The following COL15A1 variants were observed in gnomAD, a reference collection of about 807,000 sequenced individuals.
COL15A1 encodes the protein collagen alpha-1(XV) chain.
A neutral mutation model predicts 165.9 loss-of-function variants in COL15A1; 111 were observed. The observed-to-expected ratio is 0.67, with a 90% CI of 0.57 to 0.78. COL15A1 has a LOEUF of 0.78. Ranked by LOEUF, COL15A1 falls within the 30% of genes least tolerant of loss-of-function variation. The pLI, the probability that COL15A1 is intolerant of heterozygous loss-of-function variation, is 0.00. For synonymous variants in COL15A1, 659 were observed against 674.8 expected (o/e 0.98, Z 0.36); for missense variants, 1,745 against 1,789.7 (o/e 0.98, Z 0.45).
intron 2 of COL15A1, among the ~76,000 whole-genome samples, chr9:98,963,247 A>T (rs4407948): frequency 6.6e-6 from 1 of 151,190 alleles, no homozygotes; most frequent in Admixed American, 6.6e-5. Flanking sequence ...GCTAGGACCC[A>T]CTGGGCCTCA....
intron 2 of COL15A1, among the ~76,000 whole-genome samples, chr9:98,947,873 C>T (rs750293412): frequency 2.0e-5 from 3 of 152,150 alleles, no homozygotes; most frequent in Non-Finnish European, 4.4e-5. Flanking sequence ...ATATCCTGCA[C>T]GCCCTAAAAC....
intron 2 of COL15A1, 143 bp from the exon 3 acceptor site, chr9:98,985,422 C>A: frequency 1.2e-6 from 1 of 809,334 alleles, no homozygotes; most frequent in Non-Finnish European, 1.9e-6. Context: ...GTTGTCAAAA[C>A]GTTTGAAAAA....
intron 35 of COL15A1, among the ~76,000 whole-genome samples, chr9:99,057,002 T>C (rs938019394): frequency 2.6e-5 from 4 of 152,248 alleles, no homozygotes; most frequent in African/African-American, 2.4e-5. Flanking sequence ...ATAATGCTAC[T>C]ATGAACTTTC....
chr9:99,016,088 C>G lies in COL15A1; in HGVS notation c.1616C>G (p.Pro539Arg). 6.2e-7 allele frequency: 1 copy of G among 1,613,156 alleles called. No individual in the cohort carries two copies. Among genetic ancestry groups the G allele is most frequent in the Non-Finnish European group, 8.5e-7 (1 of 1,179,584 alleles). ...CCTGATGGGCCACCGCTGCCCCTGC[C>G]CACAGTGGCTCCTGAAAGATGGATC... ...PPPDGPPLPLPTVAPERWITP... is the reference protein window; with the variant it reads ...PPPDGPPLPLRTVAPERWITP... Residue 539 changes from proline (P) to arginine (R), a missense_variant, in exon 11 of 42, where the codon CCC becomes CGC. Pro to Arg is a moderately radical substitution (Grantham distance 103). Coordinates refer to ENST00000375001, the MANE Select transcript of COL15A1 (RefSeq NM_001855.5).
At chr9:98,965,407 C>T (rs867690374) in intron 2 of COL15A1, among the ~76,000 whole-genome samples, 29 of 152,238 alleles carry the variant, frequency 1.9e-4, no homozygotes, top group African/African-American at 5.1e-4. Context: ...GTCATCTCAT[C>T]TGAAAATGGC....
intron 16 of COL15A1, among the ~76,000 whole-genome samples, chr9:99,031,391 T>C (rs1012748550): frequency 6.6e-6 from 1 of 152,016 alleles, no homozygotes; most frequent in East Asian, 1.9e-4. Flanking sequence ...CAGCATCAGG[T>C]GGAAACCCTC....
chr9:99,034,965 C>T (rs771842450), intron 17 of COL15A1, 49 bp from the exon 18 acceptor site: 8 of 1,538,858 alleles, frequency 5.2e-6, no homozygotes, highest in Admixed American at 3.3e-5. Flanking sequence ...GTTGTTCCTT[C>T]CATGAGTGAA....
intron 2 of COL15A1, 115 bp from the exon 3 acceptor site, chr9:98,985,448 TAC>T (rs1229906153): frequency 4.9e-6 from 5 of 1,030,246 alleles, no homozygotes; most frequent in Non-Finnish European, 6.9e-6. Context: ...ATTTAGGAAC[TAC>T]AGTTTCAGTG....
intron 13 of COL15A1, 72 bp from the exon 14 acceptor site, chr9:99,023,285 A>C: frequency 6.7e-7 from 1 of 1,503,028 alleles, no homozygotes; most frequent in Non-Finnish European, 8.9e-7. Context: ...ATTTTGGAGA[A>C]AACTCAGTGA....
chr9:98,944,354 T>G (rs1837540739), intron 2 of COL15A1, 104 bp downstream of exon 2: 1 of 1,159,812 alleles, frequency 8.6e-7, no homozygotes, highest in African/African-American at 1.5e-5. Flanking sequence ...TTCCTGGACA[T>G]AAAAGGGAGT....
intron 19 of COL15A1, among the ~76,000 whole-genome samples, 198 bp from the exon 20 acceptor site, chr9:99,035,972 G>C (rs1403933951): frequency 6.6e-6 from 1 of 152,136 alleles, no homozygotes; most frequent in Non-Finnish European, 1.5e-5. Flanking sequence ...CCCAATGCTG[G>C]GAGAGGGCCG....
At chr9:98,969,210 G>A (rs55662827) in intron 2 of COL15A1, among the ~76,000 whole-genome samples, 3,696 of 152,212 alleles carry the variant, frequency 0.024, 159 homozygotes, top group African/African-American at 0.086. Flanking sequence ...GTAATTTATG[G>A]GAGAGAAAAG....
chr9:98,949,041 A>G (rs559361066), intron 2 of COL15A1, among the ~76,000 whole-genome samples: 1 of 152,176 alleles, frequency 6.6e-6, no homozygotes, highest in Admixed American at 6.5e-5. Context: ...CCTTGACATT[A>G]ACAGTCATCC....
At chr9:99,020,303 C>G (rs1839003465) in intron 11 of COL15A1, 86 bp from the exon 12 acceptor site, 1 of 971,862 alleles carries the variant, frequency 1.0e-6, no homozygotes, top group Non-Finnish European at 1.7e-6. Flanking sequence ...GCTCACTGAC[C>G]AGGACCAGGG....
chr9:99,060,057 T>C, intron 36 of COL15A1, 104 bp downstream of exon 36: 1 of 1,225,772 alleles, frequency 8.2e-7, no homozygotes, highest in Non-Finnish European at 1.1e-6. Context: ...GGATCAGGCC[T>C]TCATGATAGT....
intron 28 of COL15A1, 100 bp from the exon 29 acceptor site, chr9:99,049,590 A>C: frequency 1.3e-6 from 2 of 1,494,376 alleles, no homozygotes; most frequent in Non-Finnish European, 1.8e-6. Context: ...GGTTGGCTTC[A>C]GCAGACCCTC....
Position 99,001,454 on chromosome 9 carries a change from C to A in COL15A1, c.1065+503C>A, listed in dbSNP as rs1050919479. The stretch of plus-strand genomic sequence containing the variant: ...GAAAACCCACAACGCCAGCTCATTC[C>A]TTCCCTTCTCCTGGGATGAAAACTT... On this transcript the variant is annotated intron_variant, in intron 7 of 41. Coordinates refer to ENST00000375001, the MANE Select transcript of COL15A1 (RefSeq NM_001855.5). 3.3e-5 allele frequency among the ~76,000 whole-genome samples: 5 copies of A among 152,174 alleles called. 1 individual carries two copies. Among genetic ancestry groups the A allele is most frequent in the Non-Finnish European group, 4.4e-5 (3 of 68,040 alleles).
At chr9:99,005,782 G>T (rs953003224) in intron 9 of COL15A1, among the ~76,000 whole-genome samples, 1 of 152,116 alleles carries the variant, frequency 6.6e-6, no homozygotes, top group African/African-American at 2.4e-5. Flanking sequence ...AGCCTGCCGT[G>T]TCCCCAGCCC....
chr9:99,067,119 G>C, intron 40 of COL15A1, 52 bp downstream of exon 40: 1 of 1,474,122 alleles, frequency 6.8e-7, no homozygotes, highest in East Asian at 2.3e-5. Context: ...GTCGCTACAG[G>C]GCCTGGAGGC....
Sources: allele counts gnomAD v4.1 joint callset (sites outside exome capture counted in the v4.1 genomes callset), GRCh38; gene constraint gnomAD v4.1.1; transcripts MANE v1.5; gene names NCBI Gene and HGNC (gene_info 2026-07-23, HGNC 2026-07-21).